Variants in SKAP2 observed in about 807,000 individuals in gnomAD.
The protein encoded by SKAP2 is src kinase associated phosphoprotein 2.
A neutral mutation model predicts 54.9 loss-of-function variants in SKAP2; 28 were observed. The observed-to-expected ratio is 0.51, with a 90% confidence interval of 0.38 to 0.70. The LOEUF (loss-of-function observed/expected upper bound fraction) is 0.70. SKAP2 is among the 30% of genes least tolerant of loss of function. The pLI, the probability that SKAP2 is intolerant of heterozygous loss-of-function variation, is 0.00. For synonymous variants in SKAP2, 137 were observed against 134.3 expected, an observed-to-expected ratio of 1.02 and a Z score of -0.14; for missense variants, 356 against 424.1, an observed-to-expected ratio of 0.84 and a Z score of 1.41.
At chr7:26,664,069 C>T (rs1328245287), downstream of SKAP2, among the ~76,000 whole-genome samples, 1 of 152,042 alleles carries the variant, frequency 6.6e-6, no homozygotes, top group African/African-American at 2.4e-5. Flanking sequence ...TTGTTGTGTG[C>T]CTATTATATG....
chr7:26,672,032 A>G (rs114735237), intron 11 of SKAP2, among the ~76,000 whole-genome samples: 2,252 of 152,092 alleles, frequency 0.015, 42 homozygotes, highest in African/African-American at 0.049. Context: ...CAATGCCAAT[A>G]TAAGATTTTT....
chr7:26,835,153 T>C (rs933943762), intron 4 of SKAP2, among the ~76,000 whole-genome samples: 1 of 152,136 alleles, frequency 6.6e-6, no homozygotes, highest in Non-Finnish European at 1.5e-5. Flanking sequence ...CAGCCCTTCA[T>C]GCAAAAAACT....
chr7:26,864,500 T>TGCGACC lies in SKAP2; in HGVS notation c.-77_-72dup, dbSNP rs1785334944. The TGCGACC allele has an allele frequency of 6.5e-7, 1 of 1,536,608 alleles. No homozygotes were observed. Among genetic ancestry groups the TGCGACC allele is most frequent in the Non-Finnish European group, 8.7e-7 (1 of 1,143,026 alleles). On this transcript the variant is annotated 5_prime_UTR_variant, in exon 1 of 13. Transcript: ENST00000345317. ...GTGACCGACGGGGTGGGGCTGCGGC[T>TGCGACC]GCGACCTAGACTCAGGCTAGCGGCC...
chr7:26,736,373 C>A (rs751348019), intron 6 of SKAP2, among the ~76,000 whole-genome samples: 1 of 152,170 alleles, frequency 6.6e-6, no homozygotes, highest in Non-Finnish European at 1.5e-5. Flanking sequence ...GACACTCCTA[C>A]CAGTGCCATG....
At chr7:26,832,300 G>C (rs1349452862) in intron 4 of SKAP2, among the ~76,000 whole-genome samples, 1 of 152,144 alleles carries the variant, frequency 6.6e-6, no homozygotes, top group African/African-American at 2.4e-5. Context: ...GGTTCTTCTA[G>C]AAATCTAGTA....
intron 4 of SKAP2, among the ~76,000 whole-genome samples, chr7:26,833,123 C>A (rs1045532744): frequency 6.6e-6 from 1 of 151,954 alleles, no homozygotes; most frequent in Admixed American, 6.6e-5. Flanking sequence ...TGCAGAGGGT[C>A]AAAAATCTGT....
chr7:26,792,812 A>G (rs1163367575), intron 4 of SKAP2, among the ~76,000 whole-genome samples: 1 of 152,216 alleles, frequency 6.6e-6, no homozygotes, highest in Non-Finnish European at 1.5e-5. Context: ...TGGTCCATTT[A>G]ACTAAAAGGA....
At chr7:26,690,446 C>T (rs1381922989) in intron 9 of SKAP2, 84 bp from the exon 10 acceptor site, 7 of 848,998 alleles carry the variant, frequency 8.2e-6, no homozygotes, top group South Asian at 2.9e-5. Context: ...AAAAGCAAAA[C>T]TAAAAGTTTA....
At chr7:26,795,860 A>G (rs1783766412) in intron 4 of SKAP2, among the ~76,000 whole-genome samples, 1 of 152,228 alleles carries the variant, frequency 6.6e-6, no homozygotes, top group Non-Finnish European at 1.5e-5. Context: ...GATAAGTGCA[A>G]ATAGCAGTGC....
intron 1 of SKAP2, among the ~76,000 whole-genome samples, chr7:26,861,322 T>C (rs1328593636): frequency 2.0e-5 from 3 of 152,074 alleles, no homozygotes; most frequent in Admixed American, 2.0e-4. Context: ...TGGACAAGAT[T>C]TGGGATTGTC....
chr7:26,814,760 TC>T (rs1446084825), intron 4 of SKAP2, among the ~76,000 whole-genome samples: 1 of 152,102 alleles, frequency 6.6e-6, no homozygotes, highest in Non-Finnish European at 1.5e-5. Flanking sequence ...TTTAAAACTT[TC>T]TAAAAGACGT....
intron 4 of SKAP2, among the ~76,000 whole-genome samples, chr7:26,740,229 T>C (rs1349164331): frequency 6.6e-6 from 1 of 150,530 alleles, no homozygotes; most frequent in African/African-American, 2.4e-5. Flanking sequence ...ACTGAGAAAC[T>C]ATTATAAATA....
the SKAP2 span, among the ~76,000 whole-genome samples, chr7:26,661,424 C>T: frequency 6.6e-6 from 1 of 151,930 alleles, no homozygotes; most frequent in African/African-American, 2.4e-5. Flanking sequence ...AGACAATGGG[C>T]AAAGGAAGTC....
chr7:26,658,063 T>C, the SKAP2 span, among the ~76,000 whole-genome samples: 1 of 152,104 alleles, frequency 6.6e-6, no homozygotes, highest in Non-Finnish European at 1.5e-5. Flanking sequence ...ATTCTGCAGA[T>C]AGTACTGCAG....
intron 4 of SKAP2, among the ~76,000 whole-genome samples, chr7:26,817,875 T>C (rs498561): frequency 0.43 from 65,967 of 151,842 alleles, 15,212 homozygotes; most frequent in East Asian, 0.56. Flanking sequence ...GAATACAACT[T>C]ACAGAAGATA....
Position 26,717,509 on chromosome 7 carries a change from C to CAAAAAAAAAAAAAAAAAAAAAAA in SKAP2, c.796+7896_796+7918dup, listed in dbSNP as rs58826714. 8.2e-4 allele frequency among the ~76,000 whole-genome samples: 19 copies of CAAAAAAAAAAAAAAAAAAAAAAA among 23,130 alleles called. 5 individuals carry two copies. Among genetic ancestry groups the CAAAAAAAAAAAAAAAAAAAAAAA allele is most frequent in the Non-Finnish European group, 1.5e-3 (14 of 9,592 alleles). 15.2% of individuals were successfully genotyped at this position (23,130 alleles called of 152,430 possible). On this transcript the variant is annotated intron_variant, in intron 9 of 12. Transcript: ENST00000345317. ...TGGGTGACAGAGCAAGACCCCATCTCAAAAAAAAAAAAAAAAAAAAAAAAA... is the reference window on the plus strand; with the variant it reads ...TGGGTGACAGAGCAAGACCCCATCTCAAAAAAAAAAAAAAAAAAAAAAAAAAAAAAAAAAAAAAAAAAAAAAAA...
At chr7:26,839,306 A>C (rs1784773164) in intron 4 of SKAP2, among the ~76,000 whole-genome samples, 1 of 152,124 alleles carries the variant, frequency 6.6e-6, no homozygotes, top group Non-Finnish European at 1.5e-5. Context: ...CCTCAACTAT[A>C]ATCCCTTCTC....
chr7:26,727,194 T>A (rs765129842), intron 6 of SKAP2, among the ~76,000 whole-genome samples, 188 bp from the exon 7 acceptor site: 1 of 152,162 alleles, frequency 6.6e-6, no homozygotes, highest in East Asian at 1.9e-4. Flanking sequence ...TTAGGGATGA[T>A]TGGACTTACA....
intron 4 of SKAP2, among the ~76,000 whole-genome samples, chr7:26,830,429 A>T (rs1437510417): frequency 6.6e-6 from 1 of 151,400 alleles, no homozygotes; most frequent in African/African-American, 2.4e-5. Context: ...TAAAGTGAGT[A>T]AAAAAAAATA....
Sources: gnomAD v4.1 joint callset for allele counts (sites outside exome capture counted in the v4.1 genomes callset) on GRCh38, gnomAD v4.1.1 for gene constraint, MANE v1.5 for transcripts, NCBI Gene and HGNC (gene_info 2026-07-23, HGNC 2026-07-21) for gene names.